Variants in ANO3 observed in about 807,000 individuals in gnomAD.
The protein encoded by ANO3 is anoctamin 3, also known as anoctamin-3.
ANO3 carries 99 observed loss-of-function variants against 144.8 expected under a neutral mutation model. That is an observed-to-expected ratio of 0.68 (90% confidence interval 0.58 to 0.81). The LOEUF is 0.81. Among genes scored for constraint, ANO3 ranks in the 30% least tolerant of loss-of-function variants. ANO3 has a pLI of 0.00. For synonymous variants in ANO3, 414 were observed against 392.6 expected, an observed-to-expected ratio of 1.05 and a Z score of -0.64; for missense variants, 905 against 1,202.2, an observed-to-expected ratio of 0.75 and a Z score of 3.66.
intron 1 of ANO3, among the ~76,000 whole-genome samples, chr11:26,398,895 G>A (rs1857081046): frequency 6.6e-6 from 1 of 152,020 alleles, no homozygotes; most frequent in South Asian, 2.1e-4. Context: ...AAAGCAGACA[G>A]GACCAGTTTC....
chr11:26,534,903 T>C (rs1849465729), intron 9 of ANO3, among the ~76,000 whole-genome samples: 1 of 152,194 alleles, frequency 6.6e-6, no homozygotes, highest in Non-Finnish European at 1.5e-5. Context: ...TAGAATTACC[T>C]GGAAATACCT....
chr11:26,255,653 G>A (rs537535486), intron 1 of ANO3, among the ~76,000 whole-genome samples: 32 of 152,106 alleles, frequency 2.1e-4, no homozygotes, highest in Non-Finnish European at 4.3e-4. Flanking sequence ...ATGTGCATCA[G>A]CCATTAGTTG....
chr11:26,204,137 C>A (rs1288687125), intron 1 of ANO3, among the ~76,000 whole-genome samples: 2 of 152,102 alleles, frequency 1.3e-5, no homozygotes, highest in Admixed American at 6.6e-5. Flanking sequence ...AACCTCTACA[C>A]CCCCTCTGGG....
At chr11:26,254,907 A>C (rs1197429463) in intron 1 of ANO3, among the ~76,000 whole-genome samples, 3 of 152,154 alleles carry the variant, frequency 2.0e-5, no homozygotes, top group Non-Finnish European at 4.4e-5. Context: ...CAACCATTTG[A>C]GATTGTCCTC....
intron 1 of ANO3, among the ~76,000 whole-genome samples, chr11:26,375,969 G>A (rs1371913719): frequency 6.6e-6 from 1 of 152,142 alleles, no homozygotes; most frequent in African/African-American, 2.4e-5. Flanking sequence ...GAGAAAAAAA[G>A]TGTGCATTCC....
intron 9 of ANO3, among the ~76,000 whole-genome samples, chr11:26,536,979 G>A (rs1485526864): frequency 6.6e-6 from 1 of 150,440 alleles, no homozygotes; most frequent in East Asian, 1.9e-4. Context: ...ATACAGTTAA[G>A]TATTTCTCAA....
intron 1 of ANO3, among the ~76,000 whole-genome samples, chr11:26,265,682 G>C (rs1190578604): frequency 6.6e-6 from 1 of 152,050 alleles, no homozygotes; most frequent in Non-Finnish European, 1.5e-5. Flanking sequence ...ATAGCCCTTC[G>C]GCAGAGGTTA....
intron 1 of ANO3, among the ~76,000 whole-genome samples, chr11:26,389,527 TCTG>T (rs897027596): frequency 6.6e-6 from 1 of 152,078 alleles, no homozygotes; most frequent in African/African-American, 2.4e-5. Flanking sequence ...GTCAATGTGA[TCTG>T]CTCATTTTCA....
At chr11:26,250,783 T>C (rs1442933966) in intron 1 of ANO3, among the ~76,000 whole-genome samples, 2 of 152,220 alleles carry the variant, frequency 1.3e-5, no homozygotes, top group African/African-American at 4.8e-5. Flanking sequence ...CACATTTGTA[T>C]ACATCAACTT....
chr11:26,524,535 C>G (rs1427292037), intron 6 of ANO3, among the ~76,000 whole-genome samples: 1 of 152,096 alleles, frequency 6.6e-6, no homozygotes, highest in Non-Finnish European at 1.5e-5. Context: ...CATAGAGGAG[C>G]TTACTGATCC....
chr11:26,200,024 T>C (rs956584360), intron 1 of ANO3, among the ~76,000 whole-genome samples: 1 of 152,120 alleles, frequency 6.6e-6, no homozygotes, highest in Admixed American at 6.6e-5. Context: ...TGGACTTACT[T>C]TCTGGGCTTG....
intron 23 of ANO3, among the ~76,000 whole-genome samples, chr11:26,646,572 C>T (rs1853351860): frequency 6.6e-6 from 1 of 152,072 alleles, no homozygotes; most frequent in African/African-American, 2.4e-5. Context: ...ACTTTCAAAT[C>T]TTTGTCAATC....
chr11:26,495,849 C>T (rs2134114672), intron 4 of ANO3, among the ~76,000 whole-genome samples: 1 of 152,320 alleles, frequency 6.6e-6, no homozygotes, highest in Admixed American at 6.5e-5. Context: ...GCCTTCTCCA[C>T]ATACATGACT....
chr11:26,585,032 T>C (rs1433940163), intron 14 of ANO3, among the ~76,000 whole-genome samples: 1 of 152,204 alleles, frequency 6.6e-6, no homozygotes, highest in African/African-American at 2.4e-5. Context: ...CCATGAGTCA[T>C]GTCAAACCTG....
intron 4 of ANO3, among the ~76,000 whole-genome samples, chr11:26,467,660 T>A (rs1859646966): frequency 6.6e-6 from 1 of 151,578 alleles, no homozygotes; most frequent in Admixed American, 6.6e-5. Flanking sequence ...TGTTCCACTT[T>A]TTTTTTTTTT....
chr11:26,310,778 G>A (rs570840092), intron 1 of ANO3, among the ~76,000 whole-genome samples: 1 of 152,256 alleles, frequency 6.6e-6, no homozygotes, highest in African/African-American at 2.4e-5. Context: ...AGTATATTCT[G>A]TGAACTTGTT....
intron 1 of ANO3, among the ~76,000 whole-genome samples, chr11:26,418,164 A>T (rs1328292913): frequency 1.3e-5 from 2 of 152,126 alleles, no homozygotes; most frequent in Non-Finnish European, 2.9e-5. Context: ...GGTGGCAAGA[A>T]GTGGGAAGTT....
At chr11:26,375,482 T>C (rs1452035720) in intron 1 of ANO3, among the ~76,000 whole-genome samples, 4 of 152,196 alleles carry the variant, frequency 2.6e-5, no homozygotes, top group Non-Finnish European at 5.9e-5. Flanking sequence ...AATAAATATT[T>C]GGCATTTGGT....
At chr11:26,440,288 G>A (rs1256862770) in intron 1 of ANO3, among the ~76,000 whole-genome samples, 3 of 152,042 alleles carry the variant, frequency 2.0e-5, no homozygotes, top group Non-Finnish European at 4.4e-5. Flanking sequence ...AACTACCTGA[G>A]ACTGGATAAT....
Sources: gnomAD v4.1 joint callset for allele counts (sites outside exome capture counted in the v4.1 genomes callset) on GRCh38, gnomAD v4.1.1 for gene constraint, MANE v1.5 for transcripts, NCBI Gene and HGNC (gene_info 2026-07-23, HGNC 2026-07-21) for gene names.